The following TUBGCP6 variants were observed in gnomAD, a reference collection of about 807,000 sequenced individuals.
The protein encoded by TUBGCP6 is tubulin gamma complex component 6, also known as gamma-tubulin complex component 6.
In TUBGCP6, 161 loss-of-function variants were observed where a neutral mutation model predicts 175.8. The observed-to-expected ratio is 0.92, with a 90% CI of 0.81 to 1.04. TUBGCP6 has a LOEUF of 1.04. Ranked by LOEUF, TUBGCP6 falls within the 50% of genes least tolerant of loss-of-function variation. The probability of loss-of-function intolerance (pLI) is 0.00; values close to 1 mark genes in which losing one functional copy is unlikely to be tolerated. For missense variants in TUBGCP6, 2,572 were observed against 2,433.0 expected, an observed-to-expected ratio of 1.06 and a Z score of -1.20; for synonymous variants, 1,173 against 1,030.5, an observed-to-expected ratio of 1.14 and a Z score of -2.65.
chr22:50,226,894 G>T (rs1288019106), intron 6 of TUBGCP6, 52 bp from the exon 7 acceptor site: 1 of 1,536,786 alleles, frequency 6.5e-7, no homozygotes, highest in Non-Finnish European at 8.8e-7. Flanking sequence ...AGCGCTGGGA[G>T]TGAGGCGCAG....
Position 50,227,347 on chromosome 22 carries a change from G to A in TUBGCP6, c.1413-270C>T, listed in dbSNP as rs730937. Among the ~76,000 whole-genome samples the A allele has an allele frequency of 0.038, 5,780 of 151,948 alleles. 277 individuals are homozygous for A. Among genetic ancestry groups the A allele is most frequent in the East Asian group, 0.25 (1,295 of 5,134 alleles). On this transcript the variant is annotated intron_variant, in intron 5 of 24. Coordinates refer to ENST00000248846, the MANE Select transcript of TUBGCP6 (RefSeq NM_020461.4). ...CCCTCCCAGGATCTGGCCAACACAC[G>A]AATCACCCTGATCCTCCCACTTCTG...
chr22:50,228,034 G>A lies in TUBGCP6; in HGVS notation c.1291-6C>T, dbSNP rs201449189. ...CTCAGGCCACTGGTGAAGGCCTGTG[G>A]GCAAAGAGGCTGGGAGGAGGGCGGC... On this transcript the variant is annotated splice_region_variant and splice_polypyrimidine_tract_variant and intron_variant, in intron 4 of 24. Coordinates refer to ENST00000248846, the MANE Select transcript of TUBGCP6 (RefSeq NM_020461.4). 2,834 of 1,538,884 alleles carry A rather than the reference G, an allele frequency of 1.8e-3. 3 individuals carry two copies. The highest frequency in any genetic ancestry group is 2.3e-3 in the Non-Finnish European group (2,648 of 1,139,868).
At position 50,220,670 on chromosome 22, in the gene TUBGCP6, G is replaced by C. The variant is rs201398979; in HGVS notation, c.3689C>G (p.Ser1230Trp). Residue 1230 changes from serine to tryptophan, a missense_variant, in exon 16 of 25, where the codon TCG becomes TGG. Coordinates refer to ENST00000248846, the MANE Select transcript of TUBGCP6 (RefSeq NM_020461.4). ...CCGTGACCGGATGGGAGCCACGTCC[G>C]ATACGTTCTCCCCAACCCTGATGCT... ...DTSIRVGENVSDVAPIRSRCN... is the reference protein window; with the variant it reads ...DTSIRVGENVWDVAPIRSRCN... 40 of 1,611,008 alleles carry C rather than the reference G, an allele frequency of 2.5e-5. No individual in the cohort carries two copies. In the South Asian group the frequency reaches 3.8e-4, roughly 15 times the overall value.
At chr22:50,235,051 CCT>C (rs1319227493) in intron 2 of TUBGCP6, among the ~76,000 whole-genome samples, 4 of 151,352 alleles carry the variant, frequency 2.6e-5, no homozygotes, top group South Asian at 2.1e-4. Flanking sequence ...CAGCCACACC[CCT>C]GTCCACAGCA....
rs2064520674 is a variant in TUBGCP6, at chr22:50,221,384, A to G, written c.2975T>C (p.Met992Thr). Residue 992 changes from methionine to threonine, a missense_variant, in exon 16 of 25, where the codon ATG (methionine) becomes ACG (threonine). By Grantham distance (81) the Met-to-Thr change is moderately conservative. Coordinates refer to ENST00000248846, the MANE Select transcript of TUBGCP6 (RefSeq NM_020461.4). ...LQLWEDSCGK[M>T]DACGSASRET... The stretch of plus-strand genomic sequence containing the variant: ...CCGCGAGGCGGAGCCACAGGCATCC[A>G]TCTTCCCACAACTGTCCTCCCACAG... 1 of 1,609,022 alleles carries G rather than the reference A, an allele frequency of 6.2e-7. No homozygotes were observed. Among genetic ancestry groups the G allele is most frequent in the East Asian group, 2.2e-5 (1 of 44,858 alleles).
intron 3 of TUBGCP6, among the ~76,000 whole-genome samples, 195 bp downstream of exon 3, chr22:50,233,121 T>C (rs1387860117): frequency 1.3e-5 from 2 of 152,266 alleles, no homozygotes; most frequent in Non-Finnish European, 2.9e-5. Context: ...TAAAAGGACA[T>C]TAATAAATTA....
At chr22:50,234,168 C>A (rs2064730465) in intron 2 of TUBGCP6, among the ~76,000 whole-genome samples, 1 of 149,806 alleles carries the variant, frequency 6.7e-6, no homozygotes, top group Non-Finnish European at 1.5e-5. Context: ...CACCCACACC[C>A]ATCCACGGCA....
chr22:50,230,688 G>A (rs1466644110), intron 3 of TUBGCP6, among the ~76,000 whole-genome samples: 1 of 151,680 alleles, frequency 6.6e-6, no homozygotes. Context: ...TGAGGCAGGA[G>A]GATCAATTTG....
intron 3 of TUBGCP6, among the ~76,000 whole-genome samples, chr22:50,229,927 T>C (rs2064667386): frequency 1.3e-5 from 2 of 151,924 alleles, no homozygotes; most frequent in South Asian, 4.2e-4. Context: ...TCGGGATGAA[T>C]TAGAGAAATG....
chr22:50,242,659 A>T (rs143302052), intron 1 of TUBGCP6, among the ~76,000 whole-genome samples: 1 of 152,256 alleles, frequency 6.6e-6, no homozygotes, highest in African/African-American at 2.4e-5. Context: ...GAGGAGCTAC[A>T]GCGTACCATG....
intron 3 of TUBGCP6, among the ~76,000 whole-genome samples, chr22:50,230,510 G>A (rs2064673658): frequency 6.6e-6 from 1 of 152,166 alleles, no homozygotes; most frequent in Non-Finnish European, 1.5e-5. Flanking sequence ...AGGAGGCTGA[G>A]GCAGGAGAAT....
rs779561322 is a variant in TUBGCP6 at position 50,233,337 on chromosome 22, A to G, written c.1095T>C (p.Ser365=). Residue 365 remains serine (S), a synonymous_variant, in exon 3 of 25, where the codon TCT becomes TCC. Coordinates refer to ENST00000248846, the MANE Select transcript of TUBGCP6 (RefSeq NM_020461.4). ...DVLNVLIGVV[S]ATFSLCQPAQ... Reference sequence around the variant, plus strand: ...TCACCTGGCAGAGCGAAAACGTGGCAGACACGACCCCAATCAAGACGTTCA... The same window carrying G: ...TCACCTGGCAGAGCGAAAACGTGGCGGACACGACCCCAATCAAGACGTTCA... The G allele has an allele frequency of 2.5e-6, 4 of 1,613,758 alleles. No individual in the cohort carries two copies. The South Asian group carries it at 3.3e-5, about 13-fold the overall frequency.
chr22:50,217,930 A>G lies in TUBGCP6; in HGVS notation c.5356T>C (p.Phe1786Leu). Residue 1786 changes from phenylalanine (F) to leucine (L), a missense_variant, in exon 24 of 25, where the codon TTT becomes CTT. Physicochemically the swap from Phe to Leu is conservative, Grantham distance 22. Transcript: ENST00000248846. ...GGGTGGGCCTCACCTTTGAAGAGAA[A>G]GTGGGAGTAGTACTTGAAGGTGTTG... is the stretch of plus-strand genomic sequence containing the variant. ...SYNTFKYYSH[F>L]LFKVVTKLVN... 6.2e-7 allele frequency: 1 copy of G among 1,605,866 alleles called. No individual in the cohort carries two copies. The highest frequency in any genetic ancestry group is 8.5e-7 in the Non-Finnish European group (1 of 1,175,060).
At position 50,218,914 on chromosome 22, in the gene TUBGCP6, CCA is replaced by C; in HGVS notation, c.4627-19_4627-18del. On this transcript the variant is annotated intron_variant, in intron 20 of 24. Transcript: ENST00000248846. Reference sequence around the variant, plus strand: ...AGCTCCAAGCTAGGCAGAAAAGGGACCACCGTCCCCAGGAGTCCCAAGCACAT... The same window carrying C: ...AGCTCCAAGCTAGGCAGAAAAGGGACCCGTCCCCAGGAGTCCCAAGCACAT... The C allele has an allele frequency of 6.2e-7, 1 of 1,601,578 alleles. No individual in the cohort carries two copies. Among genetic ancestry groups the C allele is most frequent in the Non-Finnish European group, 8.5e-7 (1 of 1,173,384 alleles).
rs199898082 is a variant in TUBGCP6, at chr22:50,243,786, T to C, written c.674A>G (p.Asp225Gly). ...GGGCAGGCCCAGTCGGACGTCCATG[T>C]CATAAGTGCGGCTGTGCACAAGGGC... ...FGALVHSRTYDMDVRLGLPPV... is the reference protein window; with the variant it reads ...FGALVHSRTYGMDVRLGLPPV... The change falls in exon 1 of 25, where the codon GAC becomes GGC. Residue 225 changes from aspartate (D) to glycine (G), a missense_variant. Coordinates refer to ENST00000248846, the MANE Select transcript of TUBGCP6 (RefSeq NM_020461.4). 6.4e-5 allele frequency: 103 copies of C among 1,613,618 alleles called. No individual in the cohort carries two copies. The African/African-American group carries it at 1.3e-3, about 20-fold the overall frequency.
At chr22:50,225,983 C>T (rs1432305898) in intron 9 of TUBGCP6, 40 bp from the exon 10 acceptor site, 1 of 1,613,156 alleles carries the variant, frequency 6.2e-7, no homozygotes, top group Admixed American at 1.7e-5. Context: ...AGCACTCAGC[C>T]CCAGCCTCAT....
Position 50,232,353 on chromosome 22 carries a change from G to A in TUBGCP6, c.1116+963C>T, listed in dbSNP as rs145864017. Among the ~76,000 whole-genome samples the A allele has an allele frequency of 1.0e-4, 15 of 146,462 alleles. 1 individual carries two copies. In the East Asian group the frequency reaches 1.4e-3, roughly 14 times the overall value. On this transcript the variant is annotated intron_variant, in intron 3 of 24. Coordinates refer to ENST00000248846, the MANE Select transcript of TUBGCP6 (RefSeq NM_020461.4). ...TACACTCCAGAATGGGCAACAGAGC[G>A]AGACTCTGTCTCAAAAAAAAAAAAG...
In TUBGCP6 at chr22:50,218,229, G is replaced by T. The variant is rs544541261; in HGVS notation, c.5128C>A (p.Gln1710Lys). The T allele has an allele frequency of 3.8e-5, 62 of 1,612,796 alleles. No homozygotes were observed. The South Asian group carries it at 6.5e-4, about 17-fold the overall frequency. Residue 1710 changes from glutamine to lysine, a missense_variant, in exon 23 of 25, where the codon CAG becomes AAG. Physicochemically the swap from Gln to Lys is moderately conservative, Grantham distance 53 (BLOSUM62 1). Transcript: ENST00000248846. ...LATVGDLEEI[Q>K]RAHAEYLHKA... is the part of the protein sequence containing the mutation. ...TGCAGGTACTCTGCGTGCGCACGCT[G>T]GATCTCCTCCAGGTCGCCCACGGTG...
chr22:50,226,015 G>A (rs1462465988), intron 9 of TUBGCP6, 35 bp downstream of exon 9: 1 of 1,613,458 alleles, frequency 6.2e-7, no homozygotes, highest in Admixed American at 1.7e-5. Flanking sequence ...GGGAAGACCG[G>A]CCCCTCTCTT....
Sources: gnomAD v4.1 joint callset for allele counts (sites outside exome capture counted in the v4.1 genomes callset) on GRCh38, gnomAD v4.1.1 for gene constraint, MANE v1.5 for transcripts, NCBI Gene and HGNC (gene_info 2026-07-23, HGNC 2026-07-21) for gene names.